Variants in IQSEC1 observed in about 807,000 individuals in gnomAD.
IQSEC1 encodes IQ motif and SEC7 domain-containing protein 1.
In IQSEC1, 31 loss-of-function variants were observed where a neutral mutation model predicts 91.0. The observed-to-expected ratio is 0.34, with a 90% CI of 0.26 to 0.46. The LOEUF is 0.46. IQSEC1 is among the 20% of genes least tolerant of loss of function. The pLI is 1.00. For missense variants in IQSEC1, 1,388 were observed against 1,575.6 expected (o/e 0.88, Z 2.02); for synonymous variants, 699 against 662.6 (o/e 1.05, Z -0.84).
At chr3:13,280,069 A>G (rs1465006498) in intron 1 of IQSEC1, among the ~76,000 whole-genome samples, 2 of 151,862 alleles carry the variant, frequency 1.3e-5, no homozygotes, top group East Asian at 1.9e-4. Context: ...TTAATTCTCA[A>G]AAAAGTATGG....
At chr3:13,162,744 CG>C (rs1226619096) in intron 2 of IQSEC1, among the ~76,000 whole-genome samples, 2 of 152,204 alleles carry the variant, frequency 1.3e-5, no homozygotes, top group African/African-American at 4.8e-5. Context: ...CTTTCTCCAT[CG>C]TGCACCAGGG....
intron 2 of IQSEC1, among the ~76,000 whole-genome samples, chr3:13,085,818 C>T (rs62232937): frequency 0.11 from 17,275 of 152,244 alleles, 1,218 homozygotes; most frequent in East Asian, 0.28. Context: ...TCGGCCAATG[C>T]GAGGCTCTCG....
In IQSEC1 at chr3:12,898,739, G is replaced by A. The variant is rs1361577475; in HGVS notation, c.*2244C>T. The A allele has an allele frequency of 6.6e-6, 1 of 152,434 alleles. No individual in the cohort carries two copies. Among genetic ancestry groups the A allele is most frequent in the Non-Finnish European group, 1.5e-5 (1 of 68,196 alleles). 9.4% of individuals were successfully genotyped at this position (152,434 alleles called of 1,614,324 possible). On this transcript the variant is annotated 3_prime_UTR_variant, in exon 14 of 14. Transcript: ENST00000613206. ...TATGTAATCGCTTTACTTCAACGAT[G>A]TGTTTACAGTCACGCCAATACATTT...
At chr3:13,129,655 A>ATTTTTTTTTTTTTTTTTTTT (rs35069619) in intron 2 of IQSEC1, among the ~76,000 whole-genome samples, 1 of 118,344 alleles carries the variant, frequency 8.4e-6, no homozygotes. Context: ...CATCTTATGA[A>ATTTTTTTTTTTTTTTTTTTT]TTTTTTTTTT....
chr3:13,243,976 G>A (rs548455049), intron 1 of IQSEC1, among the ~76,000 whole-genome samples: 58 of 152,330 alleles, frequency 3.8e-4, no homozygotes, highest in African/African-American at 1.3e-3. Context: ...TAGGAAGCTC[G>A]AATAGGATAT....
rs951492840 is a variant in IQSEC1, at chr3:12,972,001, G to A, written c.24-30136C>T. Among the ~76,000 whole-genome samples, 12 of 147,564 alleles carry A rather than the reference G, an allele frequency of 8.1e-5. No individual in the cohort carries two copies. The East Asian group carries it at 2.0e-3, about 25-fold the overall frequency. ...TGCACTCCAGCCCTGGCAACAGGGT[G>A]AGACTCCATCTCAAAACAAACAAAC... On this transcript the variant is annotated intron_variant, in intron 1 of 13. Transcript: ENST00000613206.
At chr3:12,996,938 T>G (rs1382104328) in intron 1 of IQSEC1, among the ~76,000 whole-genome samples, 1 of 152,232 alleles carries the variant, frequency 6.6e-6, no homozygotes, top group Admixed American at 6.5e-5. Flanking sequence ...CTCTCAAAAA[T>G]GCTGTAGGGT....
chr3:12,920,108 T>G (rs1377164459), intron 6 of IQSEC1, among the ~76,000 whole-genome samples: 2 of 152,232 alleles, frequency 1.3e-5, no homozygotes, highest in Non-Finnish European at 2.9e-5. Flanking sequence ...AATATATACT[T>G]TTAGGTAAAG....
At position 12,900,915 on chromosome 3, in the gene IQSEC1, C is replaced by T. The variant is rs764631083; in HGVS notation, c.*68G>A. 41 of 1,536,172 alleles carry T rather than the reference C, an allele frequency of 2.7e-5. No homozygotes were observed. Among genetic ancestry groups the T allele is most frequent in the Admixed American group, 5.9e-5 (3 of 50,936 alleles). On this transcript the variant is annotated 3_prime_UTR_variant, in exon 14 of 14. Coordinates refer to ENST00000613206, the MANE Select transcript of IQSEC1 (RefSeq NM_001134382.3). ...TGCCCCGGGTTTGGTGTGCGGCTGG[C>T]GACCCCCGGGCGTGCCCTGTGTGGT...
At chr3:13,192,049 C>T (rs1429377756) in intron 1 of IQSEC1, among the ~76,000 whole-genome samples, 1 of 152,170 alleles carries the variant, frequency 6.6e-6, no homozygotes, top group Non-Finnish European at 1.5e-5. Context: ...GAAAGTAGGG[C>T]TATTGGCTGG....
In IQSEC1 at chr3:13,282,122, T is replaced by C. The variant is rs1038631289; in HGVS notation, c.272+589A>G. 6.6e-5 allele frequency among the ~76,000 whole-genome samples: 10 copies of C among 152,090 alleles called. No homozygotes were observed. The highest frequency in any genetic ancestry group is 2.4e-4 in the African/African-American group (10 of 41,484). ...ATCCTGGGTCCGAAATAGCCCCGGG[T>C]AATCCCAGGGCGAGGCAGTCGGGAA... On this transcript the variant is annotated intron_variant, in intron 1 of 15. Coordinates refer to the IQSEC1 transcript ENST00000648114. The surrounding 1 kb of genome is among the most constrained non-coding windows in gnomAD (Gnocchi z 6.4).
intron 2 of IQSEC1, among the ~76,000 whole-genome samples, chr3:13,147,761 T>C (rs1183079032): frequency 6.6e-6 from 1 of 152,226 alleles, no homozygotes; most frequent in Non-Finnish European, 1.5e-5. Context: ...GCCTCCCAAG[T>C]AGCTGGTACC....
intron 2 of IQSEC1, among the ~76,000 whole-genome samples, chr3:13,082,939 C>T (rs1705669531): frequency 1.3e-5 from 2 of 152,252 alleles, no homozygotes; most frequent in Admixed American, 6.5e-5. Flanking sequence ...CTTCCTCCCA[C>T]ACTCACTGCT....
Position 12,913,440 on chromosome 3 carries a change from G to A in IQSEC1, c.2304C>T (p.Asn768=), listed in dbSNP as rs757031244. The change falls in exon 9 of 14, where the codon AAC becomes AAT. Residue 768 remains asparagine (N), a synonymous_variant. Transcript: ENST00000613206. ...GLHQREIFLF[N]DLLVVTKIFQ... is the part of the protein sequence containing the mutation. ...GTGAGCCACATACCACCAGGAGGTCGTTGAACAGGAAGATTTCTCGCTGGT... is the reference window on the plus strand; with the variant it reads ...GTGAGCCACATACCACCAGGAGGTCATTGAACAGGAAGATTTCTCGCTGGT... The A allele has an allele frequency of 2.2e-5, 35 of 1,598,644 alleles. No homozygotes were observed. Among genetic ancestry groups the A allele is most frequent in the Non-Finnish European group, 2.7e-5 (32 of 1,171,004 alleles).
At chr3:13,232,130 G>A (rs1042668110) in intron 1 of IQSEC1, among the ~76,000 whole-genome samples, 2 of 152,322 alleles carry the variant, frequency 1.3e-5, no homozygotes, top group Admixed American at 6.5e-5. Context: ...TACGTGCTGG[G>A]TGTGCTTTCT....
intron 1 of IQSEC1, among the ~76,000 whole-genome samples, chr3:13,187,946 C>T (rs1214585105): frequency 1.3e-5 from 2 of 152,210 alleles, no homozygotes; most frequent in Non-Finnish European, 2.9e-5. Flanking sequence ...GACCTGATCA[C>T]CCCCCAGAGG....
chr3:13,028,128 G>A (rs570452818), intron 1 of IQSEC1, among the ~76,000 whole-genome samples: 6 of 152,262 alleles, frequency 3.9e-5, no homozygotes. Context: ...GGAAGTGACA[G>A]GAGGACAAAT....
chr3:12,969,457 G>T (rs1202737532), intron 1 of IQSEC1, among the ~76,000 whole-genome samples: 8 of 152,198 alleles, frequency 5.3e-5, no homozygotes, highest in Non-Finnish European at 4.4e-5. Context: ...GGAAGGAGAA[G>T]AACACTAGGC....
chr3:13,247,548 CTTCTT>C (rs968055343), intron 1 of IQSEC1, among the ~76,000 whole-genome samples: 8 of 152,206 alleles, frequency 5.3e-5, no homozygotes, highest in African/African-American at 1.7e-4. Flanking sequence ...TGGCTCTCTC[CTTCTT>C]TTCTTCAGCC....
Sources: allele counts gnomAD v4.1 joint callset (sites outside exome capture counted in the v4.1 genomes callset), GRCh38; gene constraint gnomAD v4.1.1; non-coding constraint Gnocchi (gnomAD v3.1); transcripts MANE v1.5; gene names NCBI Gene and HGNC (gene_info 2026-07-23, HGNC 2026-07-21).